Variants in MAGI2 observed in about 807,000 individuals in gnomAD.
MAGI2 encodes membrane-associated guanylate kinase, WW and PDZ domain-containing protein 2.
Under a neutral mutation model 133.3 loss-of-function variants are expected in MAGI2, and 35 were observed. The ratio of observed to expected loss-of-function variants is 0.26; its 90% CI spans 0.20 to 0.35. MAGI2 has a LOEUF of 0.35. MAGI2 is among the 10% of genes least tolerant of loss of function. The pLI, the probability that MAGI2 is intolerant of heterozygous loss-of-function variation, is 1.00. For synonymous variants in MAGI2, 729 were observed against 710.6 expected, an observed-to-expected ratio of 1.03 and a Z score of -0.41; for missense variants, 1,636 against 1,863.4, an observed-to-expected ratio of 0.88 and a Z score of 2.25.
intron 15 of MAGI2, among the ~76,000 whole-genome samples, chr7:78,160,543 A>T (rs1480285301): frequency 6.6e-6 from 1 of 152,200 alleles, no homozygotes; most frequent in East Asian, 1.9e-4. Context: ...TCTTCATCTC[A>T]TGAGGACTGC....
chr7:78,100,604 C>T (rs73362696), intron 20 of MAGI2, among the ~76,000 whole-genome samples: 3,921 of 152,172 alleles, frequency 0.026, 111 homozygotes, highest in African/African-American at 0.077. Flanking sequence ...CTTGTACCTC[C>T]GCCTCCCAAA....
At chr7:78,794,819 G>A (rs750334941) in intron 2 of MAGI2, among the ~76,000 whole-genome samples, 5 of 152,190 alleles carry the variant, frequency 3.3e-5, no homozygotes, top group Middle Eastern at 6.8e-3. Context: ...GTTAACTTAT[G>A]TTGGCTACAC....
chr7:79,250,348 C>CAAAAAA (rs61147108), intron 1 of MAGI2, among the ~76,000 whole-genome samples: 1 of 130,526 alleles, frequency 7.7e-6, no homozygotes. Context: ...ATGACTCTAC[C>CAAAAAA]AAAAAAAAAA....
intron 2 of MAGI2, among the ~76,000 whole-genome samples, chr7:78,830,344 C>T (rs944026525): frequency 7.2e-5 from 11 of 152,068 alleles, no homozygotes; most frequent in Admixed American, 2.0e-4. Flanking sequence ...ATTGTTTATA[C>T]AACAAACAGC....
chr7:78,882,166 T>C (rs1280323770), intron 2 of MAGI2, among the ~76,000 whole-genome samples: 1 of 74,692 alleles, frequency 1.3e-5, no homozygotes, highest in Non-Finnish European at 2.8e-5. Context: ...CAGTCAGAAA[T>C]GATGAAGGTG....
intron 2 of MAGI2, among the ~76,000 whole-genome samples, chr7:78,725,659 C>T (rs137990216): frequency 0.011 from 1,701 of 152,266 alleles, 33 homozygotes; most frequent in African/African-American, 0.039. Context: ...ATTAGCCGGG[C>T]GTGGTGGCAG....
At chr7:78,282,284 A>ATTCT (rs932587087) in intron 9 of MAGI2, among the ~76,000 whole-genome samples, 4 of 152,062 alleles carry the variant, frequency 2.6e-5, no homozygotes, top group African/African-American at 4.8e-5. Flanking sequence ...CCTATGCCAA[A>ATTCT]TTCTTTCCAA....
At chr7:78,180,924 ATTTTTTTTTTTT>A (rs371615787) in intron 13 of MAGI2, among the ~76,000 whole-genome samples, 8 of 108,010 alleles carry the variant, frequency 7.4e-5, no homozygotes, top group African/African-American at 2.3e-4. Flanking sequence ...AGGCAGCAGT[ATTTTTTTTTTTT>A]TTTTTTTTTT....
At position 79,365,971 on chromosome 7, in the gene MAGI2, G is replaced by A. The variant is rs935090200; in HGVS notation, c.301+87049C>T. On this transcript the variant is annotated intron_variant, in intron 1 of 21. Coordinates refer to ENST00000354212, the MANE Select transcript of MAGI2 (RefSeq NM_012301.4). Reference sequence around the variant, plus strand: ...AGTGAAAAAAAAAAAAAGTTGGTGCGATGGCTCAGGCCTTAATCTCAGCAA... The same window carrying A: ...AGTGAAAAAAAAAAAAAGTTGGTGCAATGGCTCAGGCCTTAATCTCAGCAA... Among the ~76,000 whole-genome samples the A allele has an allele frequency of 5.4e-5, 8 of 149,492 alleles. No homozygotes were observed. In the East Asian group the frequency reaches 8.0e-4, roughly 15 times the overall value.
chr7:78,733,686 T>C (rs1269872163), intron 2 of MAGI2, among the ~76,000 whole-genome samples: 1 of 152,168 alleles, frequency 6.6e-6, no homozygotes, highest in African/African-American at 2.4e-5. Context: ...TGTTGTGTTA[T>C]ACTTGTCTGT....
chr7:78,374,172 T>C (rs1794212944), intron 6 of MAGI2, among the ~76,000 whole-genome samples: 1 of 152,182 alleles, frequency 6.6e-6, no homozygotes, highest in African/African-American at 2.4e-5. Flanking sequence ...TGAGAAACTG[T>C]CAAACTGCTT....
chr7:78,491,376 A>T (rs998395390), intron 5 of MAGI2, among the ~76,000 whole-genome samples: 1 of 152,216 alleles, frequency 6.6e-6, no homozygotes, highest in South Asian at 2.1e-4. Context: ...GAACTGTGAC[A>T]TAACGACCCT....
At chr7:78,174,715 A>C (rs1826427209) in intron 14 of MAGI2, among the ~76,000 whole-genome samples, 1 of 152,188 alleles carries the variant, frequency 6.6e-6, no homozygotes, top group African/African-American at 2.4e-5. Flanking sequence ...CTCACCAATA[A>C]TCTTAGGGTA....
intron 10 of MAGI2, among the ~76,000 whole-genome samples, chr7:78,226,945 C>T (rs1563290740): frequency 6.6e-6 from 1 of 152,112 alleles, no homozygotes; most frequent in Non-Finnish European, 1.5e-5. Context: ...TTGGGACATG[C>T]ATGATTAAAT....
At chr7:78,202,830 T>C (rs915437990) in intron 10 of MAGI2, among the ~76,000 whole-genome samples, 1 of 152,164 alleles carries the variant, frequency 6.6e-6, no homozygotes, top group African/African-American at 2.4e-5. Flanking sequence ...CTGTCTTACA[T>C]ATGCTGTTCA....
chr7:78,296,748 A>AACTT (rs1182199725), intron 9 of MAGI2, among the ~76,000 whole-genome samples: 10 of 152,192 alleles, frequency 6.6e-5, no homozygotes, highest in African/African-American at 2.2e-4. Context: ...ATCAGAGGGA[A>AACTT]ACTTACTTAT....
intron 21 of MAGI2, among the ~76,000 whole-genome samples, chr7:78,031,204 G>T (rs1408604577): frequency 6.6e-6 from 1 of 152,190 alleles, no homozygotes; most frequent in Admixed American, 6.5e-5. Context: ...CCAGGGCTGG[G>T]TGTAGGAGGA....
intron 4 of MAGI2, among the ~76,000 whole-genome samples, chr7:78,507,624 T>C (rs1584437699): frequency 6.6e-6 from 1 of 152,288 alleles, no homozygotes; most frequent in Non-Finnish European, 1.5e-5. Flanking sequence ...ACTACAATAA[T>C]GATTTGTTAA....
chr7:79,449,958 G>T (rs991856), intron 1 of MAGI2, among the ~76,000 whole-genome samples: 44,863 of 146,078 alleles, frequency 0.31, 7,093 homozygotes, highest in East Asian at 0.38. Flanking sequence ...TATGACAGAT[G>T]AAAATTATGA....
Sources: allele counts gnomAD v4.1 joint callset (sites outside exome capture counted in the v4.1 genomes callset), GRCh38; gene constraint gnomAD v4.1.1; transcripts MANE v1.5; gene names NCBI Gene and HGNC (gene_info 2026-07-23, HGNC 2026-07-21).